Variants in ABCB5 observed in about 807,000 individuals in gnomAD.
ABCB5 encodes ATP-binding cassette sub-family B member 5.
Under a neutral mutation model 144.2 loss-of-function variants are expected in ABCB5, and 155 were observed. The ratio of observed to expected loss-of-function variants is 1.08; its 90% confidence interval spans 0.94 to 1.23. ABCB5 has a LOEUF of 1.23. Ranked by LOEUF, ABCB5 falls within the 50% of genes most tolerant of loss-of-function variation. The pLI, the probability that ABCB5 is intolerant of heterozygous loss-of-function variation, is 0.00. For synonymous variants in ABCB5, 610 were observed against 528.6 expected, an observed-to-expected ratio of 1.15 and a Z score of -2.11; for missense variants, 1,830 against 1,520.8, an observed-to-expected ratio of 1.20 and a Z score of -3.38.
intron 14 of ABCB5, among the ~76,000 whole-genome samples, chr7:20,674,588 C>A (rs1286368657): frequency 6.6e-6 from 1 of 151,156 alleles, no homozygotes; most frequent in South Asian, 2.1e-4. Context: ...GGTATACAAA[C>A]ACACAAAAAC....
intron 5 of ABCB5, among the ~76,000 whole-genome samples, chr7:20,642,309 C>T (rs1227381472): frequency 6.6e-6 from 1 of 152,190 alleles, no homozygotes; most frequent in Non-Finnish European, 1.5e-5. Flanking sequence ...CTGACTCAGT[C>T]TCTCCTGGGA....
At chr7:20,711,152 A>T (rs1468887863) in intron 20 of ABCB5, among the ~76,000 whole-genome samples, 1 of 39,684 alleles carries the variant, frequency 2.5e-5, no homozygotes, top group African/African-American at 6.8e-5. Flanking sequence ...ACTACATTGT[A>T]ATTATTTTTG....
chr7:20,691,945 G>T (rs1401554932), intron 16 of ABCB5, among the ~76,000 whole-genome samples: 1 of 151,824 alleles, frequency 6.6e-6, no homozygotes, highest in African/African-American at 2.4e-5. Context: ...AAAATGAAGA[G>T]AAAAATCAGT....
Position 20,645,948 on chromosome 7 carries a change from C to T in ABCB5, c.804-13C>T. On this transcript the variant is annotated splice_polypyrimidine_tract_variant and intron_variant, in intron 8 of 27. Transcript: ENST00000404938. ...TCCCCAGTGGCTACTAAGTTGTGTT[C>T]TGTTTTTGTAAGGTATACACAGAAT... 1 of 1,612,508 alleles carries T rather than the reference C, an allele frequency of 6.2e-7. No homozygotes were observed. Among genetic ancestry groups the T allele is most frequent in the Non-Finnish European group, 8.5e-7 (1 of 1,179,294 alleles).
At chr7:20,704,689 T>G in intron 19 of ABCB5, 35 bp from the exon 20 acceptor site, 1 of 1,569,168 alleles carries the variant, frequency 6.4e-7, no homozygotes, top group African/African-American at 1.4e-5. Context: ...AAAAATGATT[T>G]TTGACAACCA....
intron 24 of ABCB5, among the ~76,000 whole-genome samples, chr7:20,741,574 T>C (rs1291785226): frequency 6.6e-6 from 1 of 152,174 alleles, no homozygotes; most frequent in East Asian, 1.9e-4. Flanking sequence ...TCCAGATTTT[T>C]TTTTTCTATT....
At position 20,667,590 on chromosome 7, in the gene ABCB5, A is replaced by C. The variant is rs114233885; in HGVS notation, c.1707+8914A>C. 2.6e-3 allele frequency: 2,444 copies of C among 944,472 alleles called. 54 individuals carry two copies. The African/African-American group carries it at 0.041, about 16-fold the overall frequency. The allele number at this position is 944,472 out of a possible 1,614,324, so 58.5% of individuals were successfully genotyped here. ...AACTGTTGGAGAGTATTGTGAAATC[A>C]TTGAGCTAATGGGTCACATCACGTG... On this transcript the variant is annotated intron_variant, in intron 14 of 27. Transcript: ENST00000404938.
chr7:20,698,232 C>T (rs1786489851), intron 16 of ABCB5, among the ~76,000 whole-genome samples, 175 bp from the exon 17 acceptor site: 1 of 151,992 alleles, frequency 6.6e-6, no homozygotes, highest in African/African-American at 2.4e-5. Flanking sequence ...TTATTTTATG[C>T]TTTAGGGTCA....
chr7:20,631,282 T>A (rs1188875821), intron 4 of ABCB5, among the ~76,000 whole-genome samples: 2 of 152,148 alleles, frequency 1.3e-5, no homozygotes, highest in Non-Finnish European at 2.9e-5. Context: ...AATTTTGGTA[T>A]TTTTTCCTAC....
intron 12 of ABCB5, among the ~76,000 whole-genome samples, chr7:20,650,369 A>G (rs1054300083): frequency 6.6e-6 from 1 of 152,256 alleles, no homozygotes; most frequent in African/African-American, 2.4e-5. Flanking sequence ...AATAAAACAG[A>G]TAAAAATCTG....
Position 20,645,762 on chromosome 7 carries a change from A to T in ABCB5, c.685A>T (p.Ile229Phe), listed in dbSNP as rs758406026. 1 of 1,613,646 alleles carries T rather than the reference A, an allele frequency of 6.2e-7. No individual in the cohort carries two copies. Among genetic ancestry groups the T allele is most frequent in the East Asian group, 2.2e-5 (1 of 44,880 alleles). ...ASAAACSRMV[I>F]SLTSKELSAY... ...TGGTTGTGGTTTATTACAGATGGTC[A>T]TCTCATTGACCAGTAAGGAATTAAG... The change falls in exon 8 of 28, where the codon ATC becomes TTC. Residue 229 changes from isoleucine (I) to phenylalanine (F), a missense_variant. Transcript: ENST00000404938.
At position 20,663,747 on chromosome 7, in the gene ABCB5, G is replaced by C. The variant is rs183694982; in HGVS notation, c.1707+5071G>C. Among the ~76,000 whole-genome samples the C allele has an allele frequency of 8.9e-3, 944 of 105,550 alleles. 5 individuals are homozygous for C. Among genetic ancestry groups the C allele is most frequent in the African/African-American group, 0.033 (904 of 27,498 alleles). 69.2% of individuals were successfully genotyped at this position (105,550 alleles called of 152,430 possible). ...TTTTTTTTTTTTGAGATGGAATCTT[G>C]ATCTGTCACCCAGGCTGGAGTGCAG... is the stretch of plus-strand genomic sequence containing the variant. On this transcript the variant is annotated intron_variant, in intron 14 of 27. Coordinates refer to ENST00000404938, the MANE Select transcript of ABCB5 (RefSeq NM_001163941.2).
chr7:20,712,461 T>C (rs567426854), intron 20 of ABCB5, among the ~76,000 whole-genome samples: 1 of 149,618 alleles, frequency 6.7e-6, no homozygotes, highest in Admixed American at 6.6e-5. Context: ...TAAGTATTTT[T>C]TTCTGTCTTT....
chr7:20,716,462 AT>A (rs1474904007), intron 20 of ABCB5, among the ~76,000 whole-genome samples: 4 of 152,094 alleles, frequency 2.6e-5, no homozygotes, highest in Non-Finnish European at 5.9e-5. Context: ...AGCATTTAGT[AT>A]TTTTTTAGGA....
intron 25 of ABCB5, among the ~76,000 whole-genome samples, chr7:20,744,740 T>C (rs144754840): frequency 1.8e-4 from 28 of 151,938 alleles, no homozygotes; most frequent in African/African-American, 6.0e-4. Flanking sequence ...TGTGCACATG[T>C]ACCCTAAAAC....
rs1048490386 is a variant in ABCB5 at position 20,658,757 on chromosome 7, T to C, written c.1707+81T>C. 81 of 1,492,146 alleles carry C rather than the reference T, an allele frequency of 5.4e-5. No individual in the cohort carries two copies. The South Asian group carries it at 7.1e-4, about 13-fold the overall frequency. 92.4% of individuals were successfully genotyped at this position (1,492,146 alleles called of 1,614,324 possible). ...AGTACAAGAAAGTATAGATCTGTAA[T>C]AGATTACTCAAGTTGAGAGCCCTCT... On this transcript the variant is annotated intron_variant, in intron 14 of 27. Coordinates refer to ENST00000404938, the MANE Select transcript of ABCB5 (RefSeq NM_001163941.2).
intron 23 of ABCB5, among the ~76,000 whole-genome samples, chr7:20,737,989 G>C (rs528932343): frequency 1.3e-3 from 199 of 152,256 alleles, no homozygotes; most frequent in African/African-American, 4.5e-3. Flanking sequence ...AGGATCTGAG[G>C]TCTAGGTCAC....
At position 20,710,012 on chromosome 7, in the gene ABCB5, C is replaced by T. The variant is rs575364786; in HGVS notation, c.2421+5205C>T. On this transcript the variant is annotated intron_variant, in intron 20 of 27. Transcript: ENST00000404938. ...ATCGCTTGAACCCGGGAGGTGGAGG[C>T]CAAGACCATGCCACTGCACTCCATC... is the stretch of plus-strand genomic sequence containing the variant. 8.5e-4 allele frequency among the ~76,000 whole-genome samples: 125 copies of T among 146,324 alleles called. 5 individuals are homozygous for T. The highest frequency in any genetic ancestry group is 2.8e-3 in the African/African-American group (111 of 39,290).
At chr7:20,674,655 G>A (rs1583416592) in intron 14 of ABCB5, among the ~76,000 whole-genome samples, 1 of 150,256 alleles carries the variant, frequency 6.7e-6, no homozygotes, top group Non-Finnish European at 1.5e-5. Flanking sequence ...CTTAGCCAGG[G>A]CAATTAGGCA....
Sources: allele counts gnomAD v4.1 joint callset (sites outside exome capture counted in the v4.1 genomes callset), GRCh38; gene constraint gnomAD v4.1.1; transcripts MANE v1.5; gene names NCBI Gene and HGNC (gene_info 2026-07-23, HGNC 2026-07-21).